The following TSPEAR variants were observed in gnomAD, a reference collection of about 807,000 sequenced individuals.
TSPEAR encodes the protein thrombospondin-type laminin G domain and EAR repeat-containing protein.
A neutral mutation model predicts 71.6 loss-of-function variants in TSPEAR; 69 were observed. That is an observed-to-expected ratio of 0.96 (90% CI 0.79 to 1.18). The LOEUF is 1.18. Among genes scored for constraint, TSPEAR ranks in the 50% most tolerant of loss-of-function variants. TSPEAR has a pLI of 0.00. For synonymous variants in TSPEAR, 402 were observed against 387.2 expected (o/e 1.04, Z -0.45); for missense variants, 971 against 894.9 (o/e 1.09, Z -1.09).
At chr21:44,580,023 T>A in intron 1 of TSPEAR, 1 of 1,587,038 alleles carries the variant, frequency 6.3e-7, no homozygotes, top group Non-Finnish European at 8.6e-7. Context: ...ACACAGCAGA[T>A]GGGTTTGCAG....
intron 1 of TSPEAR, among the ~76,000 whole-genome samples, chr21:44,664,194 A>G (rs587595183): frequency 6.6e-6 from 1 of 152,292 alleles, no homozygotes; most frequent in African/African-American, 2.4e-5. Flanking sequence ...AAAATCCCCA[A>G]AATTCTACAA....
intron 1 of TSPEAR, among the ~76,000 whole-genome samples, chr21:44,632,315 A>G (rs79584426): frequency 0.011 from 1,624 of 152,048 alleles, 33 homozygotes; most frequent in African/African-American, 0.036. Flanking sequence ...AACCATGAAG[A>G]ACAGAAGGCA....
At chr21:44,669,830 A>C (rs1041500185) in intron 1 of TSPEAR, among the ~76,000 whole-genome samples, 13 of 152,248 alleles carry the variant, frequency 8.5e-5, no homozygotes, top group African/African-American at 3.1e-4. Context: ...CAAATTGTGG[A>C]ATAGGTTTGC....
intron 1 of TSPEAR, chr21:44,666,402 G>A: frequency 1.3e-6 from 2 of 1,548,168 alleles, no homozygotes; most frequent in Non-Finnish European, 1.7e-6. Context: ...GTGTACAGGT[G>A]TGGCCTCATC....
intron 1 of TSPEAR, among the ~76,000 whole-genome samples, chr21:44,576,722 C>CAGAAAAAGACTT (rs1555924046): frequency 1.3e-4 from 20 of 152,210 alleles, no homozygotes; most frequent in African/African-American, 4.3e-4. Flanking sequence ...CCAAACCTCA[C>CAGAAAAAGACTT]TCTGTCTTCA....
intron 4 of TSPEAR, 50 bp from the exon 5 acceptor site, chr21:44,530,004 C>T: frequency 6.7e-7 from 1 of 1,489,664 alleles, no homozygotes; most frequent in Non-Finnish European, 8.9e-7. Flanking sequence ...GGGGAAGGAC[C>T]CGCTGAGGAG....
At chr21:44,582,330 C>G (rs1979036995) in intron 1 of TSPEAR, among the ~76,000 whole-genome samples, 1 of 152,222 alleles carries the variant, frequency 6.6e-6, no homozygotes, top group South Asian at 2.1e-4. Flanking sequence ...CTTTCCCTCA[C>G]GGCCATACAT....
intron 1 of TSPEAR, among the ~76,000 whole-genome samples, chr21:44,675,173 T>G (rs1986251163): frequency 6.6e-6 from 1 of 152,100 alleles, no homozygotes; most frequent in African/African-American, 2.4e-5. Context: ...GCAAAACTCC[T>G]CAACAAAATA....
chr21:44,652,394 C>A (rs782172385), intron 1 of TSPEAR, among the ~76,000 whole-genome samples: 51 of 152,152 alleles, frequency 3.4e-4, no homozygotes, highest in Non-Finnish European at 6.3e-4. Context: ...CCCAGCACCC[C>A]GGTACCAGCA....
intron 1 of TSPEAR, chr21:44,690,628 AG>A: frequency 1.0e-6 from 1 of 982,232 alleles, no homozygotes; most frequent in Non-Finnish European, 1.2e-6. Flanking sequence ...CAGGTTAAAC[AG>A]AAGATAAGCA....
chr21:44,651,059 G>A (rs1984759669), intron 1 of TSPEAR, among the ~76,000 whole-genome samples: 1 of 149,878 alleles, frequency 6.7e-6, no homozygotes, highest in Non-Finnish European at 1.5e-5. Context: ...GGAGAGGACA[G>A]GTCTTGGCAG....
At chr21:44,551,297 G>A in intron 2 of TSPEAR, 1 of 1,613,458 alleles carries the variant, frequency 6.2e-7, no homozygotes, top group Non-Finnish European at 8.5e-7. Flanking sequence ...AGCAGGGGCT[G>A]GACACACAGC....
At chr21:44,528,352 C>T in intron 6 of TSPEAR, 100 bp downstream of exon 6, 1 of 1,527,594 alleles carries the variant, frequency 6.5e-7, no homozygotes, top group South Asian at 1.1e-5. Context: ...TGAGGTCATT[C>T]AGAGGTGGCT....
chr21:44,597,268 C>T (rs1234899289), intron 1 of TSPEAR, among the ~76,000 whole-genome samples: 6 of 151,958 alleles, frequency 3.9e-5, no homozygotes, highest in Non-Finnish European at 7.4e-5. Context: ...GGTAGGTTGA[C>T]TCTTTTAGCT....
intron 1 of TSPEAR, among the ~76,000 whole-genome samples, chr21:44,573,223 C>T (rs1978290481): frequency 1.3e-5 from 2 of 152,122 alleles, no homozygotes; most frequent in South Asian, 4.1e-4. Flanking sequence ...AGCTTTCAAT[C>T]ACAGAGGCAC....
In TSPEAR at chr21:44,612,394, C is replaced by T; in HGVS notation, c.83-44389G>A. The T allele has an allele frequency of 6.2e-7, 1 of 1,614,128 alleles. No homozygotes were observed. The highest frequency in any genetic ancestry group is 8.5e-7 in the Non-Finnish European group (1 of 1,180,040). On this transcript the variant is annotated intron_variant, in intron 1 of 11. Transcript: ENST00000323084. This position sits in a 1 kb window ranked among gnomAD's most constrained non-coding sequence, Gnocchi z 4.1. ...GCACCGACTCCTGCACACCTTCATG[C>T]TGCCAGCAGTCTAGCTGCCAGCCGG...
In TSPEAR at chr21:44,598,184, G is replaced by A. The variant is rs1179607211; in HGVS notation, c.83-30179C>T. On this transcript the variant is annotated intron_variant, in intron 1 of 11. Transcript: ENST00000323084. ...GCATTCCGTTCTGTATTTAGGAAAAGACTGGCTCTCTAGTTTCCCGTAGAT... is the reference window on the plus strand; with the variant it reads ...GCATTCCGTTCTGTATTTAGGAAAAAACTGGCTCTCTAGTTTCCCGTAGAT... Among the ~76,000 whole-genome samples, 87 of 152,276 alleles carry A rather than the reference G, an allele frequency of 5.7e-4. 1 individual carries two copies. Among genetic ancestry groups the A allele is most frequent in the Non-Finnish European group, 8.8e-5 (6 of 68,024 alleles).
chr21:44,554,643 G>A (rs782688577), intron 2 of TSPEAR, among the ~76,000 whole-genome samples: 1 of 152,238 alleles, frequency 6.6e-6, no homozygotes, highest in African/African-American at 2.4e-5. Context: ...GCATGCTAGT[G>A]TGAGAGGCCG....
At position 44,612,929 on chromosome 21, in the gene TSPEAR, G is replaced by C; in HGVS notation, c.83-44924C>G. 6.3e-7 allele frequency: 1 copy of C among 1,597,686 alleles called. No homozygotes were observed. Among genetic ancestry groups the C allele is most frequent in the Non-Finnish European group, 8.5e-7 (1 of 1,174,332 alleles). On this transcript the variant is annotated intron_variant, in intron 1 of 11. Coordinates refer to ENST00000323084, the MANE Select transcript of TSPEAR (RefSeq NM_144991.3). The surrounding 1 kb of genome is among the most constrained non-coding windows in gnomAD (Gnocchi z 4.1). ...CAGCTGCTGATGGGCACGTCCCCCA[G>C]GGCCAGCCGGCTCCGGTCCTGTCCT...
Sources: allele counts gnomAD v4.1 joint callset (sites outside exome capture counted in the v4.1 genomes callset), GRCh38; gene constraint gnomAD v4.1.1; non-coding constraint Gnocchi (gnomAD v3.1); transcripts MANE v1.5; gene names NCBI Gene and HGNC (gene_info 2026-07-23, HGNC 2026-07-21).